The following LTBP1 variants were observed in gnomAD, a reference collection of about 807,000 sequenced individuals.
The protein encoded by LTBP1 is latent transforming growth factor beta binding protein 1.
A neutral mutation model predicts 207.6 loss-of-function variants in LTBP1; 129 were observed. The ratio of observed to expected loss-of-function variants is 0.62; its 90% CI spans 0.54 to 0.72. The LOEUF is 0.72. Ranked by LOEUF, LTBP1 falls within the 30% of genes least tolerant of loss-of-function variation. The pLI is 0.00. For synonymous variants in LTBP1, 963 were observed against 833.7 expected (o/e 1.16, Z -2.67); for missense variants, 2,281 against 2,217.2 (o/e 1.03, Z -0.58).
chr2:33,206,528 T>C (rs989087819), intron 7 of LTBP1, among the ~76,000 whole-genome samples: 6 of 152,024 alleles, frequency 3.9e-5, no homozygotes, highest in Non-Finnish European at 5.9e-5. Context: ...ATCACGAGGT[T>C]AGGAGATCGA....
chr2:33,080,833 C>T (rs541708732), intron 3 of LTBP1, among the ~76,000 whole-genome samples: 6 of 152,126 alleles, frequency 3.9e-5, no homozygotes, highest in East Asian at 1.9e-4. Flanking sequence ...ATATATCATG[C>T]GTATATACAC....
chr2:33,069,282 C>T (rs2077667062), intron 3 of LTBP1, among the ~76,000 whole-genome samples: 1 of 152,152 alleles, frequency 6.6e-6, no homozygotes, highest in South Asian at 2.1e-4. Flanking sequence ...ATGCCTCCCT[C>T]CCCGCCCCAC....
intron 2 of LTBP1, among the ~76,000 whole-genome samples, chr2:32,974,773 A>C (rs1171592888): frequency 6.6e-6 from 1 of 152,160 alleles, no homozygotes; most frequent in Non-Finnish European, 1.5e-5. Context: ...ATGTCATTTT[A>C]TGTGAAATGG....
chr2:33,298,141 T>C (rs997985455), intron 20 of LTBP1, among the ~76,000 whole-genome samples: 3 of 152,248 alleles, frequency 2.0e-5, no homozygotes, highest in African/African-American at 7.2e-5. Flanking sequence ...TAGAAAGCTT[T>C]CTTTTGGCTC....
rs994835727 is a variant in LTBP1 at position 33,303,540 on chromosome 2, C to T, written c.3481+1896C>T. Among the ~76,000 whole-genome samples the T allele has an allele frequency of 7.9e-5, 12 of 151,826 alleles. No individual in the cohort carries two copies. In the East Asian group the frequency reaches 1.4e-3, roughly 17 times the overall value. On this transcript the variant is annotated intron_variant, in intron 22 of 33. Coordinates refer to ENST00000404816, the MANE Select transcript of LTBP1 (RefSeq NM_206943.4). ...AATTTTTTTGTATTTTTAATAGAGACGGGTTTTCACCGTGTTAACCTGGAT... is the reference window on the plus strand; with the variant it reads ...AATTTTTTTGTATTTTTAATAGAGATGGGTTTTCACCGTGTTAACCTGGAT...
chr2:33,056,417 G>A, intron 3 of LTBP1: 1 of 1,086,554 alleles, frequency 9.2e-7, no homozygotes, highest in Non-Finnish European at 1.3e-6. Flanking sequence ...CCTGGGCGAT[G>A]GTGACTTTGC....
chr2:33,284,879 A>G (rs915554335), intron 19 of LTBP1, among the ~76,000 whole-genome samples: 1 of 152,148 alleles, frequency 6.6e-6, no homozygotes, highest in Non-Finnish European at 1.5e-5. Context: ...AGTAAGCAAT[A>G]TGAAGCACCT....
At chr2:33,114,042 A>C (rs778282552) in intron 4 of LTBP1, among the ~76,000 whole-genome samples, 1 of 152,144 alleles carries the variant, frequency 6.6e-6, no homozygotes, top group Non-Finnish European at 1.5e-5. Context: ...GGGTTTCACC[A>C]TGTTGGCCAG....
At chr2:33,257,627 T>C (rs2092900804) in intron 12 of LTBP1, 116 bp downstream of exon 12, 2 of 815,158 alleles carry the variant, frequency 2.5e-6, no homozygotes, top group Non-Finnish European at 3.9e-6. Flanking sequence ...ATTGGCATTT[T>C]AGAGTGGAGA....
At chr2:33,141,064 C>T (rs866406269) in intron 5 of LTBP1, among the ~76,000 whole-genome samples, 2 of 152,200 alleles carry the variant, frequency 1.3e-5, no homozygotes, top group African/African-American at 4.8e-5. Flanking sequence ...ATACTATGTG[C>T]CAGGTATGGG....
At chr2:33,254,672 G>A (rs2092784153) in intron 11 of LTBP1, among the ~76,000 whole-genome samples, 1 of 141,322 alleles carries the variant, frequency 7.1e-6, no homozygotes, top group Non-Finnish European at 1.5e-5. Flanking sequence ...ATGTATACAT[G>A]TGCCATATTG....
chr2:33,377,074 G>C (rs1335254695), intron 31 of LTBP1, among the ~76,000 whole-genome samples: 1 of 152,202 alleles, frequency 6.6e-6, no homozygotes, highest in Non-Finnish European at 1.5e-5. Context: ...AGCAAACATG[G>C]TTTGCCGCAA....
At chr2:33,104,366 A>C (rs961300199) in intron 3 of LTBP1, among the ~76,000 whole-genome samples, 5 of 151,998 alleles carry the variant, frequency 3.3e-5, no homozygotes. Flanking sequence ...TGTCACTAGT[A>C]TCTCCCCATC....
chr2:33,016,713 A>G (rs748222478), intron 2 of LTBP1, among the ~76,000 whole-genome samples: 1 of 150,920 alleles, frequency 6.6e-6, no homozygotes, highest in Non-Finnish European at 1.5e-5. Flanking sequence ...GAAAAAAAAT[A>G]AAATTAAATT....
chr2:33,310,277 C>T (rs1216380196), intron 23 of LTBP1, among the ~76,000 whole-genome samples: 1 of 152,072 alleles, frequency 6.6e-6, no homozygotes, highest in Non-Finnish European at 1.5e-5. Context: ...TAAAAAGCCT[C>T]ACTAATAATT....
intron 14 of LTBP1, 88 bp downstream of exon 14, chr2:33,262,909 A>G (rs2093059083): frequency 2.4e-6 from 2 of 826,372 alleles, no homozygotes; most frequent in Admixed American, 4.6e-5. Context: ...TTGTGTAGTA[A>G]ATTACTAGAC....
intron 9 of LTBP1, among the ~76,000 whole-genome samples, chr2:33,239,080 G>A (rs1192093776): frequency 2.6e-5 from 4 of 152,228 alleles, no homozygotes; most frequent in African/African-American, 9.6e-5. Context: ...AAGAAGAGCA[G>A]TTTTAGAAGA....
intron 2 of LTBP1, among the ~76,000 whole-genome samples, chr2:33,018,758 A>G (rs1204503442): frequency 2.0e-5 from 3 of 152,150 alleles, no homozygotes; most frequent in African/African-American, 7.2e-5. Context: ...TATTGTGGAG[A>G]CCATTTTAGA....
chr2:33,200,426 T>G (rs1485243521), intron 7 of LTBP1, among the ~76,000 whole-genome samples: 2 of 152,206 alleles, frequency 1.3e-5, no homozygotes, highest in African/African-American at 4.8e-5. Flanking sequence ...TAGCCATATG[T>G]AGAAAGCTGA....
Sources: gnomAD v4.1 joint callset for allele counts (sites outside exome capture counted in the v4.1 genomes callset) on GRCh38, gnomAD v4.1.1 for gene constraint, MANE v1.5 for transcripts, NCBI Gene and HGNC (gene_info 2026-07-23, HGNC 2026-07-21) for gene names.